Variants in PTPRM observed in about 807,000 individuals in gnomAD.
PTPRM encodes the protein receptor-type tyrosine-protein phosphatase mu.
Under a neutral mutation model 186.7 loss-of-function variants are expected in PTPRM, and 47 were observed. The ratio of observed to expected loss-of-function variants is 0.25; its 90% CI spans 0.20 to 0.32. The LOEUF is 0.32. PTPRM is among the 10% of genes least tolerant of loss of function. PTPRM has a pLI of 1.00. For synonymous variants in PTPRM, 668 were observed against 674.9 expected, an observed-to-expected ratio of 0.99 and a Z score of 0.16; for missense variants, 1,494 against 1,865.0, an observed-to-expected ratio of 0.80 and a Z score of 3.66.
At chr18:7,796,766 A>T (rs2043679598) in intron 2 of PTPRM, among the ~76,000 whole-genome samples, 2 of 152,194 alleles carry the variant, frequency 1.3e-5, no homozygotes, top group African/African-American at 2.4e-5. Flanking sequence ...TTACAATCTG[A>T]GGCCTAATTT....
intron 20 of PTPRM, among the ~76,000 whole-genome samples, chr18:8,307,184 A>G (rs1191259985): frequency 6.6e-6 from 1 of 152,176 alleles, no homozygotes; most frequent in Non-Finnish European, 1.5e-5. Context: ...TTTAGCTTTT[A>G]CATTCACCGA....
chr18:7,601,524 G>A (rs2037402310), intron 1 of PTPRM, among the ~76,000 whole-genome samples: 1 of 152,196 alleles, frequency 6.6e-6, no homozygotes, highest in Non-Finnish European at 1.5e-5. Context: ...GGCTCCTGGT[G>A]GCTGTTGCGA....
chr18:7,886,195 T>A (rs1419728655), intron 2 of PTPRM, among the ~76,000 whole-genome samples: 1 of 152,182 alleles, frequency 6.6e-6, no homozygotes, highest in Non-Finnish European at 1.5e-5. Context: ...TAAATCAGCT[T>A]CTATTTCACT....
Position 7,567,939 on chromosome 18 carries a change from G to T in PTPRM, c.73+48G>T, listed in dbSNP as rs773927048. The stretch of plus-strand genomic sequence containing the variant: ...CCCCCGAGGCGCGCGGGCCGGCGCG[G>T]GACGCCCGGGACGCCGACAGCTCCC... On this transcript the variant is annotated intron_variant, in intron 1 of 32. Coordinates refer to ENST00000580170, the MANE Select transcript of PTPRM (RefSeq NM_001105244.2). The surrounding 1 kb of genome is among the most constrained non-coding windows in gnomAD (Gnocchi z 4.3). The T allele has an allele frequency of 2.7e-5, 41 of 1,496,442 alleles. 2 individuals carry two copies. In the South Asian group the frequency reaches 4.8e-4, roughly 18 times the overall value. 92.7% of individuals were successfully genotyped at this position (1,496,442 alleles called of 1,614,324 possible).
chr18:8,136,220 T>C (rs1261692523), intron 13 of PTPRM, among the ~76,000 whole-genome samples: 4 of 152,252 alleles, frequency 2.6e-5, no homozygotes, highest in African/African-American at 9.6e-5. Flanking sequence ...TATTCACTTA[T>C]GTGAAAGTTG....
chr18:8,193,625 C>A (rs1195251884), intron 14 of PTPRM, among the ~76,000 whole-genome samples: 3 of 152,242 alleles, frequency 2.0e-5, no homozygotes, highest in African/African-American at 7.2e-5. Context: ...CTGGGCCCAA[C>A]AAGTGTGGAG....
rs6506579 is a variant in PTPRM at position 8,379,047 on chromosome 18, G to A, written c.3613-120G>A. Reference sequence around the variant, plus strand: ...CTCGAACTATGGTGGGTTGGGGAGGGAGGGGGAAGGGACCGTCTTGCAGTC... The same window carrying A: ...CTCGAACTATGGTGGGTTGGGGAGGAAGGGGGAAGGGACCGTCTTGCAGTC... On this transcript the variant is annotated intron_variant, in intron 27 of 32. Coordinates refer to ENST00000580170, the MANE Select transcript of PTPRM (RefSeq NM_001105244.2). 3.0e-4 allele frequency: 217 copies of A among 733,158 alleles called. 1 individual carries two copies. The African/African-American group carries it at 3.4e-3, about 11-fold the overall frequency. 45.4% of individuals were successfully genotyped at this position (733,158 alleles called of 1,614,324 possible).
intron 12 of PTPRM, 84 bp from the exon 13 acceptor site, chr18:8,114,707 G>A: frequency 9.3e-7 from 1 of 1,071,246 alleles, no homozygotes. Flanking sequence ...CCTTATCAGT[G>A]CTATTTAAAT....
intron 9 of PTPRM, among the ~76,000 whole-genome samples, chr18:8,080,404 A>G (rs960621648): frequency 6.6e-6 from 1 of 152,238 alleles, no homozygotes; most frequent in Non-Finnish European, 1.5e-5. Context: ...GAAAAAGACA[A>G]AAGTAGAAAA....
rs754739775 is a variant in PTPRM, at chr18:8,289,441, TAC to T, written c.2755-6926_2755-6925del. ...ATATATACGTATATATATGTATATA[TAC>T]GTATATATGTATATACATATATATA... On this transcript the variant is annotated intron_variant, in intron 19 of 32. Coordinates refer to ENST00000580170, the MANE Select transcript of PTPRM (RefSeq NM_001105244.2). Among the ~76,000 whole-genome samples, 91 of 125,238 alleles carry T rather than the reference TAC, an allele frequency of 7.3e-4. 4 individuals carry two copies. The highest frequency in any genetic ancestry group is 6.1e-3 in the East Asian group (28 of 4,574). 82.2% of individuals were successfully genotyped at this position (125,238 alleles called of 152,430 possible). A position where few individuals can be genotyped will look rare whatever the true frequency, so the allele number is the denominator to read the frequency against.
chr18:8,343,859 CA>C (rs1041012660), intron 23 of PTPRM, among the ~76,000 whole-genome samples: 15 of 50,968 alleles, frequency 2.9e-4, no homozygotes, highest in African/African-American at 6.0e-4. Context: ...ACTACCTTCC[CA>C]AACTCCCAAA....
intron 3 of PTPRM, among the ~76,000 whole-genome samples, chr18:7,894,709 G>A (rs1177591084): frequency 1.3e-5 from 2 of 151,864 alleles, no homozygotes; most frequent in Non-Finnish European, 2.9e-5. Flanking sequence ...TCCAAGTGAT[G>A]CATTCTCAGG....
intron 13 of PTPRM, among the ~76,000 whole-genome samples, chr18:8,139,554 G>GGA: frequency 6.6e-6 from 1 of 152,186 alleles, no homozygotes; most frequent in Non-Finnish European, 1.5e-5. Flanking sequence ...AGCAGAGAGA[G>GGA]TCCTTCCAGC....
intron 14 of PTPRM, among the ~76,000 whole-genome samples, chr18:8,237,442 T>A (rs202138684): frequency 0.035 from 3,546 of 101,910 alleles, 73 homozygotes; most frequent in African/African-American, 0.065. Context: ...TTTTTTTTTT[T>A]TTTTTTTTTT....
At position 7,567,619 on chromosome 18, in the gene PTPRM, G is replaced by A; in HGVS notation, c.-200G>A. On this transcript the variant is annotated 5_prime_UTR_variant, in exon 1 of 33. Transcript: ENST00000580170. This position sits in a 1 kb window ranked among gnomAD's most constrained non-coding sequence, Gnocchi z 4.3. The stretch of plus-strand genomic sequence containing the variant: ...GAGTGGGGCCAGGGACAGGGGAGGA[G>A]GACCCAGGACCCTGTGCCCGCGCCC... The A allele has an allele frequency of 4.4e-6, 2 of 452,820 alleles. No homozygotes were observed. Among genetic ancestry groups the A allele is most frequent in the Non-Finnish European group, 7.7e-6 (2 of 260,910 alleles). The allele number at this position is 452,820 out of a possible 1,614,324, so 28.1% of individuals were successfully genotyped here. A position where few individuals can be genotyped will look rare whatever the true frequency, so the allele number is the denominator to read the frequency against.
chr18:8,379,048 A>G (rs3826631), intron 27 of PTPRM, 119 bp from the exon 28 acceptor site: 508,415 of 740,208 alleles, frequency 0.69, 175,020 homozygotes, highest in Admixed American at 0.79. Context: ...TTGGGGAGGG[A>G]GGGGGAAGGG....
intron 1 of PTPRM, among the ~76,000 whole-genome samples, chr18:7,735,894 T>C (rs1420838043): frequency 6.6e-6 from 1 of 152,122 alleles, no homozygotes; most frequent in African/African-American, 2.4e-5. Context: ...CTGAACTCTT[T>C]TAACCAATTG....
intron 6 of PTPRM, 129 bp from the exon 7 acceptor site, chr18:7,954,992 C>T (rs1011352877): frequency 3.9e-6 from 4 of 1,017,804 alleles, no homozygotes; most frequent in Non-Finnish European, 5.6e-6. Flanking sequence ...TTAACCCAAA[C>T]AAAATTTTTC....
chr18:7,714,492 G>A (rs2040281049), intron 1 of PTPRM, among the ~76,000 whole-genome samples: 1 of 152,064 alleles, frequency 6.6e-6, no homozygotes, highest in South Asian at 2.1e-4. Flanking sequence ...TCAAAAGCTA[G>A]CAGAAGACAA....
Sources: gnomAD v4.1 joint callset for allele counts (sites outside exome capture counted in the v4.1 genomes callset) on GRCh38, gnomAD v4.1.1 for gene constraint, Gnocchi (gnomAD v3.1) non-coding constraint, MANE v1.5 for transcripts, NCBI Gene and HGNC (gene_info 2026-07-23, HGNC 2026-07-21) for gene names.